The following PDE4D variants were observed in gnomAD, a reference collection of about 807,000 sequenced individuals.
PDE4D encodes the protein phosphodiesterase 4D, also known as 3',5'-cyclic-AMP phosphodiesterase 4D.
PDE4D carries 24 observed loss-of-function variants against 87.4 expected under a neutral mutation model. That is an observed-to-expected ratio of 0.27 (90% CI 0.20 to 0.39). PDE4D has a LOEUF of 0.39. Among genes scored for constraint, PDE4D ranks in the 10% least tolerant of loss-of-function variants. The pLI is 1.00. For synonymous variants in PDE4D, 384 were observed against 383.2 expected (o/e 1.00, Z -0.02); for missense variants, 714 against 1,041.0 (o/e 0.69, Z 4.32).
rs763702317 is a variant in PDE4D, at chr5:58,975,874, G to C, written c.1831-35C>G. 6 of 1,280,774 alleles carry C rather than the reference G, an allele frequency of 4.7e-6. No individual in the cohort carries two copies. The South Asian group carries it at 9.2e-5, about 20-fold the overall frequency. 79.3% of individuals were successfully genotyped at this position (1,280,774 alleles called of 1,614,324 possible). A position where few individuals can be genotyped will look rare whatever the true frequency, so the allele number is the denominator to read the frequency against. On this transcript the variant is annotated intron_variant, in intron 13 of 14. Transcript: ENST00000340635. The surrounding 1 kb of genome is among the most constrained non-coding windows in gnomAD (Gnocchi z 4.2). Reference sequence around the variant, plus strand: ...ATGGATGCATTCTCTATTCACTCCTGTTCCTTTTTTTTAAAAAAAAAAACA... The same window carrying C: ...ATGGATGCATTCTCTATTCACTCCTCTTCCTTTTTTTTAAAAAAAAAAACA...
At chr5:59,390,942 C>A (rs1788116468) in intron 1 of PDE4D, among the ~76,000 whole-genome samples, 1 of 152,094 alleles carries the variant, frequency 6.6e-6, no homozygotes, top group Non-Finnish European at 1.5e-5. Context: ...TCTTTCCCCA[C>A]CCTTGAAAAT....
At chr5:58,995,050 CA>C (rs1748897297) in intron 6 of PDE4D, among the ~76,000 whole-genome samples, 1 of 151,454 alleles carries the variant, frequency 6.6e-6, no homozygotes, top group South Asian at 2.1e-4. Flanking sequence ...AAAAAACAAA[CA>C]AACAAACAAA....
intron 1 of PDE4D, among the ~76,000 whole-genome samples, chr5:59,377,098 C>G (rs1473559998): frequency 6.6e-6 from 1 of 152,040 alleles, no homozygotes; most frequent in Non-Finnish European, 1.5e-5. Context: ...CTAGGCAATA[C>G]CATCTTGGAC....
intron 1 of PDE4D, among the ~76,000 whole-genome samples, chr5:59,810,205 G>A (rs1439170403): frequency 6.6e-6 from 1 of 152,194 alleles, no homozygotes. Context: ...CCGTGGGGAA[G>A]GCGGGCCGCC....
intron 2 of PDE4D, among the ~76,000 whole-genome samples, chr5:60,109,316 A>G (rs1244541738): frequency 1.3e-5 from 2 of 152,296 alleles, no homozygotes; most frequent in East Asian, 1.9e-4. Flanking sequence ...ATGAGATACC[A>G]TCTCACACCA....
intron 1 of PDE4D, among the ~76,000 whole-genome samples, chr5:60,257,406 G>A (rs1583230494): frequency 6.6e-6 from 1 of 152,006 alleles, no homozygotes; most frequent in South Asian, 2.1e-4. Flanking sequence ...TTTTGTGGCA[G>A]CGGCGATATC....
intron 5 of PDE4D, among the ~76,000 whole-genome samples, chr5:59,080,205 T>C (rs1350045591): frequency 6.6e-6 from 1 of 152,166 alleles, no homozygotes; most frequent in Non-Finnish European, 1.5e-5. Flanking sequence ...TCAGTGTAAA[T>C]TCCATAGTAA....
intron 1 of PDE4D, among the ~76,000 whole-genome samples, chr5:59,624,658 A>G (rs1830696660): frequency 6.6e-6 from 1 of 152,216 alleles, no homozygotes; most frequent in Non-Finnish European, 1.5e-5. Context: ...TCTACATCTA[A>G]TTAAGAATTA....
At chr5:59,197,346 T>C (rs1389714116) in intron 2 of PDE4D, among the ~76,000 whole-genome samples, 2 of 152,188 alleles carry the variant, frequency 1.3e-5, no homozygotes, top group Non-Finnish European at 2.9e-5. Context: ...GAAGGAAATA[T>C]ATTACTTTTT....
chr5:59,447,901 C>G (rs187454786), intron 1 of PDE4D, among the ~76,000 whole-genome samples: 1 of 152,274 alleles, frequency 6.6e-6, no homozygotes, highest in Admixed American at 6.5e-5. Context: ...TTTCTTCTGC[C>G]TTCTCAGGAT....
chr5:59,227,134 A>G (rs2153514645), intron 1 of PDE4D, among the ~76,000 whole-genome samples: 1 of 152,252 alleles, frequency 6.6e-6, no homozygotes, highest in South Asian at 2.1e-4. Context: ...ACTTTCTAAG[A>G]TCACTTCTAA....
In PDE4D at chr5:59,038,818, A is replaced by G. The variant is rs2279737; in HGVS notation, c.921+41T>C. Reference sequence around the variant, plus strand: ...CCAGTGGCTCGCCGGCATGGGAATCAGCAGCCTGGGGGCACCAGTGACAGC... The same window carrying G: ...CCAGTGGCTCGCCGGCATGGGAATCGGCAGCCTGGGGGCACCAGTGACAGC... On this transcript the variant is annotated intron_variant, in intron 6 of 14. Transcript: ENST00000340635. The G allele has an allele frequency of 0.3, 429,439 of 1,425,646 alleles. 68,301 individuals carry two copies. The highest frequency in any genetic ancestry group is 0.35 in the Middle Eastern group (1,880 of 5,446). The allele number at this position is 1,425,646 out of a possible 1,614,324, so 88.3% of individuals were successfully genotyped here. A position where few individuals can be genotyped will look rare whatever the true frequency, so the allele number is the denominator to read the frequency against.
intron 1 of PDE4D, among the ~76,000 whole-genome samples, chr5:59,342,838 A>G (rs888762247): frequency 6.6e-6 from 1 of 152,178 alleles, no homozygotes; most frequent in Admixed American, 6.5e-5. Context: ...GCATACATTT[A>G]TAGTGCGCAA....
chr5:60,120,974 T>C lies in PDE4D; in HGVS notation c.42+64583A>G, dbSNP rs1252101117. 2.0e-5 allele frequency among the ~76,000 whole-genome samples: 3 copies of C among 151,988 alleles called. No individual in the cohort carries two copies. In the East Asian group the frequency reaches 5.8e-4, roughly 29 times the overall value. ...CTATCTAATCAGCTACCAGCACAGC[T>C]AGAATATAAAGCAGGCAGAAGAATG... On this transcript the variant is annotated intron_variant, in intron 2 of 16. Transcript: ENST00000502484.
chr5:59,392,088 C>T (rs1035797014), intron 1 of PDE4D, among the ~76,000 whole-genome samples: 3 of 151,688 alleles, frequency 2.0e-5, no homozygotes, highest in African/African-American at 7.3e-5. Flanking sequence ...GAGAAGAAAG[C>T]TCAGAACATA....
intron 3 of PDE4D, among the ~76,000 whole-genome samples, chr5:59,942,013 G>A (rs941016260): frequency 6.6e-6 from 1 of 152,178 alleles, no homozygotes; most frequent in Non-Finnish European, 1.5e-5. Context: ...CAGCTGGAGG[G>A]GAGAGAGCTC....
chr5:59,283,731 C>G (rs993402617), intron 1 of PDE4D, among the ~76,000 whole-genome samples: 6 of 152,098 alleles, frequency 3.9e-5, no homozygotes, highest in African/African-American at 9.7e-5. Flanking sequence ...AGCAGTAAAG[C>G]CCAACTAACT....
At chr5:59,743,202 A>G (rs1226960362) in intron 1 of PDE4D, among the ~76,000 whole-genome samples, 1 of 151,840 alleles carries the variant, frequency 6.6e-6, no homozygotes, top group Non-Finnish European at 1.5e-5. Flanking sequence ...AGTTAAATAT[A>G]AAAAAAGAGA....
chr5:59,815,056 A>G (rs1768823742), intron 1 of PDE4D, among the ~76,000 whole-genome samples: 1 of 152,230 alleles, frequency 6.6e-6, no homozygotes, highest in Non-Finnish European at 1.5e-5. Flanking sequence ...AAGGAAATAG[A>G]CATCCCATCT....
Sources: allele counts gnomAD v4.1 joint callset (sites outside exome capture counted in the v4.1 genomes callset), GRCh38; gene constraint gnomAD v4.1.1; non-coding constraint Gnocchi (gnomAD v3.1); transcripts MANE v1.5; gene names NCBI Gene and HGNC (gene_info 2026-07-23, HGNC 2026-07-21).